ROBO1: variants seen among roughly 807,000 people sequenced by gnomAD.
ROBO1 encodes roundabout homolog 1.
In ROBO1, 149 loss-of-function variants were observed where a neutral mutation model predicts 195.9. That is an observed-to-expected ratio of 0.76 (90% CI 0.67 to 0.87). The LOEUF is 0.87. Ranked by LOEUF, ROBO1 falls within the 40% of genes least tolerant of loss-of-function variation. The pLI is 0.00. For missense variants in ROBO1, 1,933 were observed against 2,068.3 expected (o/e 0.93, Z 1.27); for synonymous variants, 816 against 733.2 (o/e 1.11, Z -1.82).
chr3:78,906,881 A>T (rs1468328298), intron 4 of ROBO1, among the ~76,000 whole-genome samples: 1 of 152,138 alleles, frequency 6.6e-6, no homozygotes, highest in African/African-American at 2.4e-5. Flanking sequence ...GAAAAAAAAG[A>T]CATTGTTTTA....
intron 2 of ROBO1, among the ~76,000 whole-genome samples, chr3:79,147,045 C>T (rs1235793529): frequency 3.3e-5 from 5 of 151,856 alleles, no homozygotes; most frequent in Admixed American, 6.6e-5. Context: ...AGTGTAAAAG[C>T]GTCTCTGATC....
chr3:79,586,819 T>G (rs1242126901), intron 2 of ROBO1, among the ~76,000 whole-genome samples: 1 of 151,882 alleles, frequency 6.6e-6, no homozygotes, highest in African/African-American at 2.4e-5. Flanking sequence ...TCAGATTCCT[T>G]TCCTAGCAGA....
At chr3:79,334,114 T>C (rs929174934) in intron 2 of ROBO1, among the ~76,000 whole-genome samples, 1 of 151,762 alleles carries the variant, frequency 6.6e-6, no homozygotes, top group Admixed American at 6.6e-5. Flanking sequence ...GAGACCAGCC[T>C]GGCTAACAGG....
intron 3 of ROBO1, among the ~76,000 whole-genome samples, chr3:79,065,900 T>A (rs897724902): frequency 1.3e-5 from 2 of 151,968 alleles, no homozygotes; most frequent in Admixed American, 6.6e-5. Context: ...CCAGTCTATT[T>A]AAAAACGTAC....
intron 2 of ROBO1, among the ~76,000 whole-genome samples, chr3:79,142,594 T>C (rs765552134): frequency 5.3e-5 from 8 of 152,168 alleles, no homozygotes; most frequent in Non-Finnish European, 1.0e-4. Context: ...CCTAGGTGAC[T>C]AGCAAATATA....
intron 3 of ROBO1, among the ~76,000 whole-genome samples, chr3:78,983,176 C>T (rs2077035894): frequency 6.6e-6 from 1 of 152,164 alleles, no homozygotes; most frequent in Non-Finnish European, 1.5e-5. Context: ...ACAAGAAAAA[C>T]AGCTGAGGTC....
At chr3:79,074,872 T>G (rs116185160) in intron 3 of ROBO1, among the ~76,000 whole-genome samples, 67 of 152,072 alleles carry the variant, frequency 4.4e-4, no homozygotes, top group African/African-American at 1.6e-3. Flanking sequence ...TTTTTCCTAA[T>G]ATAAAAATAC....
rs756435058 is a variant in ROBO1 at position 79,052,499 on chromosome 3, T to C, written c.172+72957A>G. Among the ~76,000 whole-genome samples the C allele has an allele frequency of 1.9e-4, 29 of 152,184 alleles. 2 individuals are homozygous for C. The highest frequency in any genetic ancestry group is 4.1e-4 in the South Asian group (2 of 4,822). On this transcript the variant is annotated intron_variant, in intron 3 of 30. Transcript: ENST00000464233. ...GTGTGATATTTTATTGCCTTTGAAG[T>C]ATGTGATCTCTGTGACCCACTCCCT...
At chr3:79,691,206 T>C (rs546748933) in intron 1 of ROBO1, among the ~76,000 whole-genome samples, 1 of 151,932 alleles carries the variant, frequency 6.6e-6, no homozygotes, top group Non-Finnish European at 1.5e-5. Context: ...AGCAGTGACA[T>C]TTCTAATGCC....
At chr3:79,551,738 T>G (rs1942519438) in intron 2 of ROBO1, among the ~76,000 whole-genome samples, 2 of 151,916 alleles carry the variant, frequency 1.3e-5, no homozygotes, top group Admixed American at 1.3e-4. Flanking sequence ...CTTCATCATG[T>G]CATTTATGTG....
intron 8 of ROBO1, among the ~76,000 whole-genome samples, chr3:78,703,016 A>T (rs1446224952): frequency 6.6e-6 from 1 of 152,184 alleles, no homozygotes; most frequent in Non-Finnish European, 1.5e-5. Flanking sequence ...CTTTCTTTTG[A>T]TTAATTTTTA....
rs72893937 is a variant in ROBO1 at position 79,656,944 on chromosome 3, T to C, written c.-50-66983A>G. Among the ~76,000 whole-genome samples the C allele has an allele frequency of 7.4e-3, 1,128 of 152,052 alleles. 12 individuals carry two copies. Among genetic ancestry groups the C allele is most frequent in the African/African-American group, 0.026 (1,066 of 41,490 alleles). ...GGCCGTAGATATAACAATGGACAAC[T>C]ATAGCAGGTGTAGAAAAGGGCTGAA... is the stretch of plus-strand genomic sequence containing the variant. On this transcript the variant is annotated intron_variant, in intron 1 of 30. Coordinates refer to ENST00000464233, the MANE Select transcript of ROBO1 (RefSeq NM_002941.4).
At chr3:79,568,569 G>T (rs73118889) in intron 2 of ROBO1, among the ~76,000 whole-genome samples, 39,705 of 150,032 alleles carry the variant, frequency 0.26, 5,471 homozygotes, top group Non-Finnish European at 0.32. Context: ...TAAATATGGA[G>T]CTAGTGAATC....
rs1704012251 is a variant in ROBO1 at position 78,614,783 on chromosome 3, C to T, written c.4300G>A (p.Ala1434Thr). The part of the protein sequence containing the change: ...QDAAGRRHFH[A>T]SQCPRPTSPV... ...CTTGTGGGCCTAGGGCACTGAGACG[C>T]ATGAAAATGTCGACGGCCTAAGGAG... Residue 1434 changes from alanine (A) to threonine (T), a missense_variant, in exon 28 of 31, where the codon GCG becomes ACG. By Grantham distance (58) the Ala-to-Thr change is moderately conservative. Transcript: ENST00000464233. 1.2e-6 allele frequency: 2 copies of T among 1,603,446 alleles called. No individual in the cohort carries two copies. Among genetic ancestry groups the T allele is most frequent in the Non-Finnish European group, 1.7e-6 (2 of 1,176,228 alleles).
rs149422641 is a variant in ROBO1 at position 78,945,739 on chromosome 3, C to T, written c.173-6812G>A. 5.3e-5 allele frequency among the ~76,000 whole-genome samples: 8 copies of T among 152,206 alleles called. No individual in the cohort carries two copies. In the East Asian group the frequency reaches 1.5e-3, roughly 29 times the overall value. ...CTACTCTGAGCTACAGGAGGAAATT[C>T]AAACCAATGGCAAAGAAGTTAAAAG... On this transcript the variant is annotated intron_variant, in intron 3 of 30. Transcript: ENST00000464233.
chr3:78,863,472 CA>C lies in ROBO1; in HGVS notation c.499+75128del, dbSNP rs377197560. 3.5e-4 allele frequency among the ~76,000 whole-genome samples: 54 copies of C among 152,172 alleles called. No individual in the cohort carries two copies. In the East Asian group the frequency reaches 8.1e-3, roughly 23 times the overall value. ...AACCGTGTGAATGCAGAAACCTAGC[CA>C]GGGGTAAGCCAGCAAAGGAGGTTCT... On this transcript the variant is annotated intron_variant, in intron 4 of 30. Coordinates refer to ENST00000464233, the MANE Select transcript of ROBO1 (RefSeq NM_002941.4).
intron 1 of ROBO1, among the ~76,000 whole-genome samples, chr3:79,626,788 AG>A (rs1945193409): frequency 6.6e-6 from 1 of 152,172 alleles, no homozygotes; most frequent in Non-Finnish European, 1.5e-5. Context: ...AACTAATAAA[AG>A]CAACTTCAGC....
At chr3:78,702,831 C>T (rs796869708) in intron 8 of ROBO1, among the ~76,000 whole-genome samples, 3 of 151,962 alleles carry the variant, frequency 2.0e-5, no homozygotes, top group African/African-American at 7.2e-5. Flanking sequence ...TCATGGAAGG[C>T]CTATGATGCG....
chr3:79,092,240 ATC>A (rs1307571817), intron 3 of ROBO1, among the ~76,000 whole-genome samples: 2 of 152,164 alleles, frequency 1.3e-5, no homozygotes, highest in Non-Finnish European at 2.9e-5. Flanking sequence ...GATTTCAGAG[ATC>A]TTGTCCCGAA....
Sources: allele counts gnomAD v4.1 joint callset (sites outside exome capture counted in the v4.1 genomes callset), GRCh38; gene constraint gnomAD v4.1.1; transcripts MANE v1.5; gene names NCBI Gene and HGNC (gene_info 2026-07-23, HGNC 2026-07-21).